Variants in ARHGEF28 observed in about 807,000 individuals in gnomAD.
ARHGEF28 encodes the protein Rho guanine nucleotide exchange factor 28.
In ARHGEF28, 152 loss-of-function variants were observed where a neutral mutation model predicts 206.6. The observed-to-expected ratio is 0.74, with a 90% confidence interval of 0.64 to 0.84. ARHGEF28 has a LOEUF of 0.84. ARHGEF28 is among the 40% of genes least tolerant of loss of function. The pLI is 0.00. For synonymous variants in ARHGEF28, 763 were observed against 776.4 expected, an observed-to-expected ratio of 0.98 and a Z score of 0.29; for missense variants, 2,028 against 2,073.2, an observed-to-expected ratio of 0.98 and a Z score of 0.42.
chr5:73,786,982 G>C (rs912128200), intron 7 of ARHGEF28, among the ~76,000 whole-genome samples: 2 of 152,214 alleles, frequency 1.3e-5, no homozygotes, highest in Non-Finnish European at 2.9e-5. Context: ...TGTAGAGAGA[G>C]TTGTGTGGTG....
At chr5:73,674,052 T>G (rs1042573878) in intron 1 of ARHGEF28, among the ~76,000 whole-genome samples, 6 of 150,172 alleles carry the variant, frequency 4.0e-5, no homozygotes, top group African/African-American at 1.5e-4. Flanking sequence ...GCTCCTGCAG[T>G]TCCAGCTACT....
At chr5:73,836,931 G>A (rs1241198734) in intron 10 of ARHGEF28, among the ~76,000 whole-genome samples, 1 of 152,024 alleles carries the variant, frequency 6.6e-6, no homozygotes, top group Non-Finnish European at 1.5e-5. Context: ...TTTCTCTGTT[G>A]TGTATTTTTA....
chr5:73,735,194 G>T (rs1047790126), intron 2 of ARHGEF28, among the ~76,000 whole-genome samples: 2 of 150,796 alleles, frequency 1.3e-5, no homozygotes, highest in African/African-American at 4.9e-5. Flanking sequence ...AATTTATTAA[G>T]TAATTAATAA....
chr5:73,825,705 G>A (rs1756866292), intron 9 of ARHGEF28, among the ~76,000 whole-genome samples: 1 of 152,156 alleles, frequency 6.6e-6, no homozygotes, highest in South Asian at 2.1e-4. Flanking sequence ...GATGAGAAAG[G>A]TCAGATTCTG....
intron 10 of ARHGEF28, among the ~76,000 whole-genome samples, chr5:73,839,799 A>C (rs1757874389): frequency 6.6e-6 from 1 of 152,130 alleles, no homozygotes; most frequent in African/African-American, 2.4e-5. Context: ...TAATGATGCT[A>C]TGTACGTGCA....
At chr5:73,627,888 CT>C (rs936801939) in intron 1 of ARHGEF28, among the ~76,000 whole-genome samples, 42 of 146,892 alleles carry the variant, frequency 2.9e-4, no homozygotes, top group East Asian at 4.0e-4. Flanking sequence ...CTGCTTTTGA[CT>C]TTTTTTTTTT....
chr5:73,792,036 T>C (rs1754512638), intron 7 of ARHGEF28, among the ~76,000 whole-genome samples: 1 of 152,192 alleles, frequency 6.6e-6, no homozygotes. Flanking sequence ...AATTAATCCA[T>C]TAGAATGAAT....
intron 14 of ARHGEF28, 36 bp downstream of exon 14, chr5:73,852,728 C>T (rs1381691113): frequency 6.3e-7 from 1 of 1,599,970 alleles, no homozygotes; most frequent in Non-Finnish European, 8.6e-7. Context: ...TGAGGAACTG[C>T]ATGATCCTTC....
Position 73,776,633 on chromosome 5 carries a change from T to TTTGTTGGAGGCAGATA in ARHGEF28, c.780_795dup (p.Lys266ValfsTer6), listed in dbSNP as rs758365277. The TTTGTTGGAGGCAGATA allele has an allele frequency of 2.4e-5, 39 of 1,613,806 alleles. No individual in the cohort carries two copies. Among genetic ancestry groups the TTTGTTGGAGGCAGATA allele is most frequent in the Non-Finnish European group, 3.3e-5 (39 of 1,179,840 alleles). ...TGACCCTGAACCACACAGCCGAGCATTTGTTGGAGGCAGATATTAAACTCT... is the reference window on the plus strand; with the variant it reads ...TGACCCTGAACCACACAGCCGAGCATTTGTTGGAGGCAGATATTGTTGGAGGCAGATATTAAACTCT... On this transcript the variant is annotated frameshift_variant, in exon 6 of 36. Coordinates refer to ENST00000513042, the MANE Select transcript of ARHGEF28 (RefSeq NM_001177693.2). LOFTEE classifies it high-confidence loss of function.
At chr5:73,661,954 A>G (rs1223083832) in intron 1 of ARHGEF28, among the ~76,000 whole-genome samples, 2 of 152,334 alleles carry the variant, frequency 1.3e-5, no homozygotes, top group East Asian at 3.9e-4. Flanking sequence ...AGACTTGCTC[A>G]ATGCAGGATT....
rs375095899 is a variant in ARHGEF28 at position 73,930,881 on chromosome 5, T to C, written c.4949-9963T>C. ...GTACTTCTGTTCCAATATGGACTTGTTGCTCTCCAGGCCTGCTCTGCGTGG... is the reference window on the plus strand; with the variant it reads ...GTACTTCTGTTCCAATATGGACTTGCTGCTCTCCAGGCCTGCTCTGCGTGG... On this transcript the variant is annotated intron_variant, in intron 35 of 35. Coordinates refer to ENST00000513042, the MANE Select transcript of ARHGEF28 (RefSeq NM_001177693.2). Among the ~76,000 whole-genome samples, 5 of 152,342 alleles carry C rather than the reference T, an allele frequency of 3.3e-5. No homozygotes were observed. In the East Asian group the frequency reaches 9.6e-4, roughly 29 times the overall value.
intron 4 of ARHGEF28, among the ~76,000 whole-genome samples, chr5:73,759,920 T>C (rs538476801): frequency 1.8e-4 from 28 of 152,358 alleles, no homozygotes; most frequent in Non-Finnish European, 4.0e-4. Flanking sequence ...TTCTCTTTCT[T>C]TGAATACAGA....
intron 1 of ARHGEF28, among the ~76,000 whole-genome samples, chr5:73,658,658 G>C (rs1745383483): frequency 6.6e-6 from 1 of 152,064 alleles, no homozygotes; most frequent in Non-Finnish European, 1.5e-5. Flanking sequence ...GCACCACTGT[G>C]GTTCTTTTAA....
chr5:73,776,544 T>C lies in ARHGEF28; in HGVS notation c.688T>C (p.Ser230Pro), dbSNP rs755904439. 22 of 1,611,916 alleles carry C rather than the reference T, an allele frequency of 1.4e-5. No individual in the cohort carries two copies. Among genetic ancestry groups the C allele is most frequent in the Non-Finnish European group, 1.9e-5 (22 of 1,178,642 alleles). Residue 230 changes from serine to proline, a missense_variant, in exon 6 of 36, where the codon TCC becomes CCC. Around this residue, in one of 3 missense-constraint regions of ARHGEF28, gnomAD observed 1,002 missense variants for 1,015.3 expected, o/e 0.99. Coordinates refer to ENST00000513042, the MANE Select transcript of ARHGEF28 (RefSeq NM_001177693.2). ...NFQGRWSPSF[S>P]RVQLSEEASL... ...TCAGGGCAGATGGTCCCCAAGCTTC[T>C]CCCGAGTGCAGCTCAGTGAAGAAGC...
chr5:73,765,061 T>C (rs1752822838), intron 4 of ARHGEF28, among the ~76,000 whole-genome samples: 1 of 152,242 alleles, frequency 6.6e-6, no homozygotes, highest in Admixed American at 6.5e-5. Context: ...TTTCATATCA[T>C]GATACATGAT....
intron 2 of ARHGEF28, among the ~76,000 whole-genome samples, chr5:73,701,692 T>C (rs1748612556): frequency 6.6e-6 from 1 of 152,192 alleles, no homozygotes; most frequent in South Asian, 2.1e-4. Context: ...GAATGTTATA[T>C]ATGTGTGAAG....
chr5:73,924,962 A>G (rs1479124319), intron 35 of ARHGEF28, among the ~76,000 whole-genome samples: 3 of 152,112 alleles, frequency 2.0e-5, no homozygotes, highest in Non-Finnish European at 2.9e-5. Context: ...CTTCAAAGAC[A>G]TTTTTCCTCC....
At chr5:73,833,986 C>CAT (rs376856093) in intron 10 of ARHGEF28, among the ~76,000 whole-genome samples, 126 of 152,270 alleles carry the variant, frequency 8.3e-4, no homozygotes, top group African/African-American at 2.9e-3. Flanking sequence ...AGTGCCAAAC[C>CAT]ATACCACAGG....
At chr5:73,715,061 C>T (rs564978027) in intron 2 of ARHGEF28, among the ~76,000 whole-genome samples, 2 of 152,340 alleles carry the variant, frequency 1.3e-5, no homozygotes, top group East Asian at 3.9e-4. Flanking sequence ...TTATTCATTT[C>T]TTACCACCCT....
Sources: gnomAD v4.1 joint callset for allele counts (sites outside exome capture counted in the v4.1 genomes callset) on GRCh38, gnomAD v4.1.1 for gene constraint, gnomAD v4.1.1 regional missense constraint, MANE v1.5 for transcripts, NCBI Gene and HGNC (gene_info 2026-07-23, HGNC 2026-07-21) for gene names.